The following AMTN variants were observed in gnomAD, a reference collection of about 807,000 sequenced individuals.
The protein encoded by AMTN is RSTI689.
Under a neutral mutation model 27.4 loss-of-function variants are expected in AMTN, and 29 were observed. The observed-to-expected ratio is 1.06, with a 90% CI of 0.79 to 1.44. AMTN has a LOEUF of 1.44. Among genes scored for constraint, AMTN ranks in the 40% most tolerant of loss-of-function variants. The pLI is 0.00. For missense variants in AMTN, 247 were observed against 248.8 expected, an observed-to-expected ratio of 0.99 and a Z score of 0.05; for synonymous variants, 86 against 95.7, an observed-to-expected ratio of 0.90 and a Z score of 0.59.
At chr4:70,529,064 G>T in intron 6 of AMTN, 120 bp from the exon 7 acceptor site, 1 of 967,778 alleles carries the variant, frequency 1.0e-6, no homozygotes, top group Non-Finnish European at 1.5e-6. Context: ...ACATATTATT[G>T]GAAAGGCAAA....
chr4:70,529,310 A>G, intron 7 of AMTN, 100 bp downstream of exon 7: 1 of 785,220 alleles, frequency 1.3e-6, no homozygotes, highest in Non-Finnish European at 1.9e-6. Context: ...TAAATATGGT[A>G]TGTACTACAA....
chr4:70,528,028 A>T (rs1025461123), intron 5 of AMTN, among the ~76,000 whole-genome samples: 1 of 152,202 alleles, frequency 6.6e-6, no homozygotes, highest in Non-Finnish European at 1.5e-5. Context: ...AGAAATCTTC[A>T]CATTTGAAAA....
rs1403928940 is a variant in AMTN at position 70,529,171 on chromosome 4, A to G, written c.331-13A>G. The G allele has an allele frequency of 3.9e-6, 6 of 1,553,360 alleles. No homozygotes were observed. The highest frequency in any genetic ancestry group is 5.2e-6 in the Non-Finnish European group (6 of 1,154,940). On this transcript the variant is annotated splice_polypyrimidine_tract_variant and intron_variant, in intron 6 of 8. Coordinates refer to ENST00000339336, the MANE Select transcript of AMTN (RefSeq NM_212557.4). ...ATGTGTCTAACAAATTGTGTTTGTC[A>G]TTTTGCTTTTAGGGCACTATCCTAA...
intron 2 of AMTN, among the ~76,000 whole-genome samples, chr4:70,521,122 G>A (rs752823676): frequency 8.5e-5 from 13 of 152,084 alleles, no homozygotes; most frequent in African/African-American, 1.4e-4. Flanking sequence ...GCTAACGCCC[G>A]TAATCCCAAC....
intron 1 of AMTN, 38 bp from the exon 2 acceptor site, chr4:70,518,725 A>AG (rs1253368321): frequency 5.0e-6 from 7 of 1,388,648 alleles, no homozygotes; most frequent in Non-Finnish European, 7.1e-6. Flanking sequence ...AAAAGGAAAA[A>AG]AAATACATGG....
At chr4:70,526,958 G>A (rs1736111101) in intron 5 of AMTN, among the ~76,000 whole-genome samples, 1 of 152,052 alleles carries the variant, frequency 6.6e-6, no homozygotes, top group Non-Finnish European at 1.5e-5. Flanking sequence ...TATTATCTCT[G>A]CCACAACCTG....
Position 70,518,753 on chromosome 4 carries a change from G to GTAACACTTTTTTA in AMTN, c.-15-9_-15-8insAACACTTTTTTAT. The GTAACACTTTTTTA allele has an allele frequency of 6.4e-7, 1 of 1,552,818 alleles. No homozygotes were observed. Among genetic ancestry groups the GTAACACTTTTTTA allele is most frequent in the African/African-American group, 1.4e-5 (1 of 73,424 alleles). On this transcript the variant is annotated splice_polypyrimidine_tract_variant and intron_variant, in intron 1 of 8. Transcript: ENST00000339336. ...ATACATGGAAGAGTAACACTTTTTT[G>GTAACACTTTTTTA]TTGTTGTAGGTAGCAATCTGAAACA...
At position 70,532,560 on chromosome 4, in the gene AMTN, T is replaced by C; in HGVS notation, c.*95T>C. On this transcript the variant is annotated 3_prime_UTR_variant, in exon 9 of 9. Coordinates refer to ENST00000339336, the MANE Select transcript of AMTN (RefSeq NM_212557.4). ...TATTATGGAATAGATTGAGACACATTGGATAGTCTTAGAAGAAATTAATTC... is the reference window on the plus strand; with the variant it reads ...TATTATGGAATAGATTGAGACACATCGGATAGTCTTAGAAGAAATTAATTC... The C allele has an allele frequency of 8.9e-7, 1 of 1,119,892 alleles. No homozygotes were observed. Among genetic ancestry groups the C allele is most frequent in the Non-Finnish European group, 1.3e-6 (1 of 758,870 alleles). 69.4% of individuals were successfully genotyped at this position (1,119,892 alleles called of 1,614,324 possible).
chr4:70,519,151 T>A (rs750389395), intron 2 of AMTN, among the ~76,000 whole-genome samples: 19 of 152,216 alleles, frequency 1.2e-4, no homozygotes, highest in Non-Finnish European at 1.6e-4. Flanking sequence ...AAAGAAGTTT[T>A]TTCTTGGCAA....
chr4:70,531,012 G>A, intron 7 of AMTN, 27 bp from the exon 8 acceptor site: 2 of 1,610,042 alleles, frequency 1.2e-6, no homozygotes, highest in Non-Finnish European at 1.7e-6. Flanking sequence ...TTTTAACTTT[G>A]TTTTCTGTTT....
intron 2 of AMTN, among the ~76,000 whole-genome samples, chr4:70,520,406 A>C (rs548343082): frequency 2.0e-5 from 3 of 152,250 alleles, no homozygotes; most frequent in African/African-American, 7.2e-5. Flanking sequence ...ATGTGGACAC[A>C]TACAACAGCC....
chr4:70,528,304 T>C (rs188494218), intron 5 of AMTN, among the ~76,000 whole-genome samples: 65 of 152,306 alleles, frequency 4.3e-4, no homozygotes, highest in African/African-American at 1.5e-3. Flanking sequence ...TCTATGATTA[T>C]AGATAATACA....
intron 8 of AMTN, 74 bp downstream of exon 8, chr4:70,531,374 G>T (rs1458003309): frequency 6.4e-7 from 1 of 1,573,158 alleles, no homozygotes; most frequent in Non-Finnish European, 8.7e-7. Flanking sequence ...GGAGTTCTTT[G>T]TCTTGCCTTG....
At position 70,529,432 on chromosome 4, in the gene AMTN, G is replaced by A. The variant is rs1028809502; in HGVS notation, c.357+222G>A. ...TTAATTTGACTTAGCTTTTGTTTCC[G>A]TTTATTGCTATCAGATTCAGTTCTA... On this transcript the variant is annotated intron_variant, in intron 7 of 8. Coordinates refer to ENST00000339336, the MANE Select transcript of AMTN (RefSeq NM_212557.4). 5.9e-5 allele frequency among the ~76,000 whole-genome samples: 9 copies of A among 152,010 alleles called. No homozygotes were observed. In the East Asian group the frequency reaches 1.2e-3, roughly 20 times the overall value.
intron 2 of AMTN, among the ~76,000 whole-genome samples, chr4:70,521,863 G>T (rs62324589): frequency 2.0e-5 from 3 of 151,644 alleles, no homozygotes; most frequent in Non-Finnish European, 4.4e-5. Context: ...CAAGTGGTCC[G>T]CCCGCCTTGG....
At chr4:70,529,823 A>G (rs1346641662) in intron 7 of AMTN, among the ~76,000 whole-genome samples, 1 of 152,206 alleles carries the variant, frequency 6.6e-6, no homozygotes, top group African/African-American at 2.4e-5. Context: ...TTGGGAACAC[A>G]GTTATTCAAC....
At chr4:70,523,281 G>A (rs1394824620) in intron 3 of AMTN, among the ~76,000 whole-genome samples, 2 of 152,160 alleles carry the variant, frequency 1.3e-5, no homozygotes, top group African/African-American at 4.8e-5. Context: ...CATTGTTGCT[G>A]ATGTGTTGAT....
At chr4:70,519,205 A>C (rs1735893533) in intron 2 of AMTN, among the ~76,000 whole-genome samples, 2 of 152,154 alleles carry the variant, frequency 1.3e-5, no homozygotes, top group Non-Finnish European at 2.9e-5. Context: ...ATATTTTCTA[A>C]TTTTTCTACT....
At chr4:70,530,903 G>A in intron 7 of AMTN, 136 bp from the exon 8 acceptor site, 1 of 1,203,254 alleles carries the variant, frequency 8.3e-7, no homozygotes, top group African/African-American at 1.5e-5. Context: ...TTCCCCTGAG[G>A]AATGCCAGGT....
Sources: gnomAD v4.1 joint callset for allele counts (sites outside exome capture counted in the v4.1 genomes callset) on GRCh38, gnomAD v4.1.1 for gene constraint, MANE v1.5 for transcripts, NCBI Gene and HGNC (gene_info 2026-07-23, HGNC 2026-07-21) for gene names.